OR10G7: variants seen among roughly 807,000 people sequenced by gnomAD.
OR10G7 encodes the protein olfactory receptor 10G7.
For synonymous variants in OR10G7, 165 were observed against 167.4 expected (o/e 0.99, Z 0.11); for missense variants, 338 against 382.1 (o/e 0.88, Z 0.96).
At chr11:124,039,349 G>A (rs1864225485) in intron 1 of OR10G7, among the ~76,000 whole-genome samples, 1 of 151,984 alleles carries the variant, frequency 6.6e-6, no homozygotes, top group South Asian at 2.1e-4. Flanking sequence ...TCTTTCCGGG[G>A]ATAAGCCTTT....
chr11:124,038,493 G>T lies in OR10G7; in HGVS notation c.509C>A (p.Pro170His), dbSNP rs1419238553. 2 of 1,613,710 alleles carry T rather than the reference G, an allele frequency of 1.2e-6. No homozygotes were observed. Among genetic ancestry groups the T allele is most frequent in the Non-Finnish European group, 1.7e-6 (2 of 1,179,860 alleles). ...ILTFHLPYCG[P>H]NQIQHYFCDA... ...ACAGAAGTAGTGCTGGATCTGGTTG[G>T]GTCCACAGTAGGGCAAATGGAAAGT... Residue 170 changes from proline to histidine, a missense_variant, in exon 2 of 2, where the codon CCC becomes CAC. Transcript: ENST00000641585.
At position 124,038,903 on chromosome 11, in the gene OR10G7, G is replaced by A. The variant is rs577442237; in HGVS notation, c.99C>T (p.Tyr33=). 1.2e-4 allele frequency: 200 copies of A among 1,613,652 alleles called. 2 individuals are homozygous for A. In the South Asian group the frequency reaches 1.9e-3, roughly 15 times the overall value. ...APLFGIFLVV[Y]VLTVLGNLLI... is the part of the protein sequence containing the mutation. ...GGAGGTTCCCCAGCACAGTGAGCAC[G>A]TAAACCACCAGGAAGATTCCAAAGA... is the stretch of plus-strand genomic sequence containing the variant. The change falls in exon 2 of 2, where the codon TAC becomes TAT. Residue 33 remains tyrosine (Y), a synonymous_variant. Transcript: ENST00000641585.
At position 124,038,122 on chromosome 11, in the gene OR10G7, C is replaced by T; in HGVS notation, c.880G>A (p.Val294Ile). The T allele has an allele frequency of 6.2e-7, 1 of 1,614,080 alleles. No individual in the cohort carries two copies. Among genetic ancestry groups the T allele is most frequent in the South Asian group, 1.1e-5 (1 of 91,082 alleles). ...TTCAGCTTCAACAGAGCTTTCTTTA[C>T]CTCCTTGTTTCTCAGGGTGTACACA... The part of the protein sequence containing the change: ...PVVYTLRNKE[V>I]KKALLKLKNG... The change falls in exon 2 of 2, where the codon GTA becomes ATA. Residue 294 changes from valine to isoleucine, a missense_variant. Val to Ile is a conservative substitution (Grantham distance 29). Coordinates refer to ENST00000641585, the MANE Select transcript of OR10G7 (RefSeq NM_001004463.2).
chr11:124,039,838 C>T (rs1864229067), intron 1 of OR10G7, among the ~76,000 whole-genome samples: 1 of 152,162 alleles, frequency 6.6e-6, no homozygotes, highest in Non-Finnish European at 1.5e-5. Context: ...GTGAACCGCA[C>T]ATGCGAGGAA....
chr11:124,037,631 TTA>T lies in OR10G7; in HGVS notation c.*433_*434del. On this transcript the variant is annotated 3_prime_UTR_variant, in exon 2 of 2. Coordinates refer to ENST00000641585, the MANE Select transcript of OR10G7 (RefSeq NM_001004463.2). ...TCTAGTATTTTCTAAAGTAAAAATTTTATCTTATGGATATTAAATTATGTAGT... is the reference window on the plus strand; with the variant it reads ...TCTAGTATTTTCTAAAGTAAAAATTTTCTTATGGATATTAAATTATGTAGT... The T allele has an allele frequency of 6.6e-6, 1 of 152,260 alleles. No individual in the cohort carries two copies. The highest frequency in any genetic ancestry group is 2.1e-4 in the South Asian group (1 of 4,830). The allele number at this position is 152,260 out of a possible 1,614,324, so 9.4% of individuals were successfully genotyped here. A position where few individuals can be genotyped will look rare whatever the true frequency, so the allele number is the denominator to read the frequency against.
Position 124,038,138 on chromosome 11 carries a change from G to A in OR10G7, c.864C>T (p.Thr288=), listed in dbSNP as rs773507107. Residue 288 remains threonine, a synonymous_variant, in exon 2 of 2, where the codon ACC becomes ACT. Coordinates refer to ENST00000641585, the MANE Select transcript of OR10G7 (RefSeq NM_001004463.2). ...CTTTCTTTACCTCCTTGTTTCTCAG[G>A]GTGTACACAACAGGGTTGAAAAGAG... ...LTPLFNPVVY[T]LRNKEVKKAL... is the part of the protein sequence containing the mutation. 6.2e-7 allele frequency: 1 copy of A among 1,614,032 alleles called. No homozygotes were observed. Among genetic ancestry groups the A allele is most frequent in the Admixed American group, 1.7e-5 (1 of 60,018 alleles).
In OR10G7 at chr11:124,038,627, G is replaced by A; in HGVS notation, c.375C>T (p.Ile125=). The A allele has an allele frequency of 6.2e-7, 1 of 1,614,004 alleles. No individual in the cohort carries two copies. The highest frequency in any genetic ancestry group is 8.5e-7 in the Non-Finnish European group (1 of 1,180,000). ...TVMSYDRYLA[I]SYPLRYTNMM... ...TGTTGGTGTACCTGAGCGGGTAACT[G>A]ATGGCCAGGTAGCGATCATAGGACA... The change falls in exon 2 of 2, where the codon ATC becomes ATT. Residue 125 remains isoleucine (I), a synonymous_variant. Coordinates refer to ENST00000641585, the MANE Select transcript of OR10G7 (RefSeq NM_001004463.2).
At chr11:124,039,727 A>G (rs1258759351) in intron 1 of OR10G7, among the ~76,000 whole-genome samples, 3 of 152,120 alleles carry the variant, frequency 2.0e-5, no homozygotes, top group Admixed American at 6.5e-5. Flanking sequence ...CAGTCCGCAC[A>G]GCAGGAAGAG....
chr11:124,036,905 T>C lies in OR10G7; in HGVS notation c.*1161A>G, dbSNP rs1864196961. The C allele has an allele frequency of 6.6e-6, 1 of 152,218 alleles. No individual in the cohort carries two copies. Among genetic ancestry groups the C allele is most frequent in the African/African-American group, 2.4e-5 (1 of 41,444 alleles). The allele number at this position is 152,218 out of a possible 1,614,324, so 9.4% of individuals were successfully genotyped here. On this transcript the variant is annotated 3_prime_UTR_variant, in exon 2 of 2. Transcript: ENST00000641585. ...AAGGAGCATTCTTGCTAAAGCATCT[T>C]TGAAATGCAGCTGCTGCAAATCTGA...
rs1864198577 is a variant in OR10G7 at position 124,037,157 on chromosome 11, T to C, written c.*909A>G. Reference sequence around the variant, plus strand: ...CTACCCAGAGAGTGTACAGAGTCCATTTCATATACTTTAAGTCAAACAAAC... The same window carrying C: ...CTACCCAGAGAGTGTACAGAGTCCACTTCATATACTTTAAGTCAAACAAAC... On this transcript the variant is annotated 3_prime_UTR_variant, in exon 2 of 2. Coordinates refer to ENST00000641585, the MANE Select transcript of OR10G7 (RefSeq NM_001004463.2). The C allele has an allele frequency of 6.6e-6, 1 of 152,198 alleles. No homozygotes were observed. The highest frequency in any genetic ancestry group is 1.5e-5 in the Non-Finnish European group (1 of 68,020). The allele number at this position is 152,198 out of a possible 1,614,324, so 9.4% of individuals were successfully genotyped here.
rs368320970 is a variant in OR10G7 at position 124,038,016 on chromosome 11, T to C, written c.*50A>G. The C allele has an allele frequency of 3.2e-6, 4 of 1,251,014 alleles. No homozygotes were observed. The African/African-American group carries it at 4.5e-5, about 14-fold the overall frequency. The allele number at this position is 1,251,014 out of a possible 1,614,324, so 77.5% of individuals were successfully genotyped here. On this transcript the variant is annotated 3_prime_UTR_variant, in exon 2 of 2. Transcript: ENST00000641585. Reference sequence around the variant, plus strand: ...TATAATGCTTATGTTGAAGGTTTAATTTAATTACAAATAAAAAAAGAAAAG... The same window carrying C: ...TATAATGCTTATGTTGAAGGTTTAACTTAATTACAAATAAAAAAAGAAAAG...
rs1193310741 is a variant in OR10G7, at chr11:124,038,331, A to G, written c.671T>C (p.Ile224Thr). ...CCCCTCTGAGGTGCGGATCCGCAGG[A>G]TGGAACAGACGATGGACACATAGGA... ...VLSYVSIVCS[I>T]LRIRTSEGRH... The change falls in exon 2 of 2, where the codon ATC becomes ACC. Residue 224 changes from isoleucine to threonine, a missense_variant. Transcript: ENST00000641585. The G allele has an allele frequency of 6.2e-6, 10 of 1,614,022 alleles. No individual in the cohort carries two copies. Among genetic ancestry groups the G allele is most frequent in the East Asian group, 2.2e-5 (1 of 44,890 alleles).
Position 124,038,607 on chromosome 11 carries a change from G to C in OR10G7, c.395C>G (p.Thr132Ser). The C allele has an allele frequency of 6.2e-7, 1 of 1,613,968 alleles. No individual in the cohort carries two copies. The highest frequency in any genetic ancestry group is 8.5e-7 in the Non-Finnish European group (1 of 1,179,978). The stretch of plus-strand genomic sequence containing the variant: ...ACACGAGCGCCCAGTCATCATGTTG[G>C]TGTACCTGAGCGGGTAACTGATGGC... ...YLAISYPLRY[T>S]NMMTGRSCAL... The change falls in exon 2 of 2, where the codon ACC becomes AGC. Residue 132 changes from threonine (T) to serine (S), a missense_variant. Transcript: ENST00000641585.
chr11:124,038,796 A>G lies in OR10G7; in HGVS notation c.206T>C (p.Met69Thr), dbSNP rs1864218423. 1 of 1,614,018 alleles carries G rather than the reference A, an allele frequency of 6.2e-7. No homozygotes were observed. ...YFLTNLSFIDMWFSTVTVPKM... is the reference protein window; with the variant it reads ...YFLTNLSFIDTWFSTVTVPKM... ...GGGCACCGTGACAGTGGAGAACCAC[A>G]TGTCAATGAAGGACAGGTTGGTGAG... Residue 69 changes from methionine to threonine, a missense_variant, in exon 2 of 2, where the codon ATG becomes ACG. Physicochemically the swap from Met to Thr is moderately conservative, Grantham distance 81. Transcript: ENST00000641585.
rs1864215961 is a variant in OR10G7 at position 124,038,655 on chromosome 11, A to C, written c.347T>G (p.Val116Gly). 6.2e-7 allele frequency: 1 copy of C among 1,613,978 alleles called. No homozygotes were observed. The highest frequency in any genetic ancestry group is 8.5e-7 in the Non-Finnish European group (1 of 1,179,988). The change falls in exon 2 of 2, where the codon GTC (valine) becomes GGC (glycine). Residue 116 changes from valine (V) to glycine (G), a missense_variant. Val to Gly is a moderately radical substitution (Grantham distance 109). Transcript: ENST00000641585. Reference protein sequence around the residue: ...LGSTECFLYTVMSYDRYLAIS... With the variant: ...LGSTECFLYTGMSYDRYLAIS... ...GGCCAGGTAGCGATCATAGGACATG[A>C]CTGTGTAGAGGAAACACTCGGTGCT...
Position 124,038,804 on chromosome 11 carries a change from G to A in OR10G7, c.198C>T (p.Phe66=), listed in dbSNP as rs548869259. ...PMYYFLTNLS[F]IDMWFSTVTV... is the part of the protein sequence containing the mutation. ...TGACAGTGGAGAACCACATGTCAAT[G>A]AAGGACAGGTTGGTGAGGAAGTAGT... The change falls in exon 2 of 2, where the codon TTC becomes TTT. Residue 66 remains phenylalanine, a synonymous_variant. Transcript: ENST00000641585. 1.2e-4 allele frequency: 188 copies of A among 1,614,016 alleles called. 1 individual carries two copies. The South Asian group carries it at 1.8e-3, about 16-fold the overall frequency.
In OR10G7 at chr11:124,037,262, C is replaced by T. The variant is rs1308566260; in HGVS notation, c.*804G>A. On this transcript the variant is annotated 3_prime_UTR_variant, in exon 2 of 2. Transcript: ENST00000641585. ...ATTCTAAATTAAGGGATACTCTTAA[C>T]AGTTTTTGACTGCATATTTTTGTCT... is the stretch of plus-strand genomic sequence containing the variant. 1 of 152,132 alleles carries T rather than the reference C, an allele frequency of 6.6e-6. No homozygotes were observed. The allele number at this position is 152,132 out of a possible 1,614,324, so 9.4% of individuals were successfully genotyped here.
chr11:124,039,123 AT>A, intron 1 of OR10G7, 102 bp from the exon 2 acceptor site: 2 of 1,160,120 alleles, frequency 1.7e-6, no homozygotes, highest in Non-Finnish European at 2.4e-6. Flanking sequence ...GGGTTAAATT[AT>A]TTTTTATATT....
rs1419876308 is a variant in OR10G7 at position 124,038,840 on chromosome 11, G to A, written c.162C>T (p.His54=). The A allele has an allele frequency of 2.5e-6, 4 of 1,613,910 alleles. No homozygotes were observed. In the East Asian group the frequency reaches 6.7e-5, roughly 27 times the overall value. Residue 54 remains histidine, a synonymous_variant, in exon 2 of 2, where the codon CAC becomes CAT. Transcript: ENST00000641585. ...TGGTGAGGAAGTAGTACATGGGGGT[G>A]TGGAGGTGAGAATCCACCCTGATCA... The part of the protein sequence containing the change: ...LLVIRVDSHL[H]TPMYYFLTNL...
Sources: allele counts gnomAD v4.1 joint callset (sites outside exome capture counted in the v4.1 genomes callset), GRCh38; gene constraint gnomAD v4.1.1; transcripts MANE v1.5; gene names NCBI Gene and HGNC (gene_info 2026-07-23, HGNC 2026-07-21).